Variants in ITGA9 observed in about 807,000 individuals in gnomAD.
ITGA9 encodes integrin alpha-9.
A neutral mutation model predicts 127.8 loss-of-function variants in ITGA9; 56 were observed. The observed-to-expected ratio is 0.44, with a 90% CI of 0.35 to 0.55. ITGA9 has a LOEUF of 0.55. Among genes scored for constraint, ITGA9 ranks in the 20% least tolerant of loss-of-function variants. ITGA9 has a pLI of 0.00. For missense variants in ITGA9, 1,196 were observed against 1,347.1 expected (o/e 0.89, Z 1.76); for synonymous variants, 508 against 514.5 (o/e 0.99, Z 0.17).
intron 3 of ITGA9, among the ~76,000 whole-genome samples, chr3:37,480,097 G>C (rs753515364): frequency 2.0e-5 from 3 of 152,118 alleles, no homozygotes; most frequent in Non-Finnish European, 2.9e-5. Flanking sequence ...AGTGGAACGG[G>C]CTGGGCAGGG....
intron 26 of ITGA9, among the ~76,000 whole-genome samples, chr3:37,791,837 C>T (rs1697114919): frequency 6.6e-6 from 1 of 152,184 alleles, no homozygotes; most frequent in South Asian, 2.1e-4. Context: ...AGCAAGATTA[C>T]TCCAAAAAAA....
intron 12 of ITGA9, among the ~76,000 whole-genome samples, chr3:37,524,422 T>G (rs1234704302): frequency 6.6e-6 from 1 of 152,188 alleles, no homozygotes; most frequent in South Asian, 2.1e-4. Flanking sequence ...GGACACCACA[T>G]TGTGTATTTT....
chr3:37,560,806 AC>A (rs1375925345), intron 15 of ITGA9, among the ~76,000 whole-genome samples: 1 of 152,302 alleles, frequency 6.6e-6, no homozygotes, highest in Non-Finnish European at 1.5e-5. Flanking sequence ...CATAATGAAG[AC>A]CACAGACTTG....
chr3:37,731,880 G>A (rs7613157), intron 18 of ITGA9, among the ~76,000 whole-genome samples: 52,987 of 152,090 alleles, frequency 0.35, 11,493 homozygotes, highest in African/African-American at 0.62. Flanking sequence ...AAATAAAAAT[G>A]TTTTTCATCC....
At chr3:37,478,223 C>G (rs576361694) in intron 3 of ITGA9, among the ~76,000 whole-genome samples, 66 of 152,256 alleles carry the variant, frequency 4.3e-4, no homozygotes, top group African/African-American at 1.6e-3. Flanking sequence ...TTCTTAGCAG[C>G]CAGGCCCAGT....
chr3:37,533,424 C>T lies in ITGA9; in HGVS notation c.1484C>T (p.Thr495Ile). The part of the protein sequence containing the change: ...GQQPVNCLNV[T>I]TCFSFHGKHV... ...CAGCCTGTGAACTGCCTGAACGTCA[C>T]CACCTGCTTCAGCTTCCATGGCAAA... The change falls in exon 14 of 28, where the codon ACC becomes ATC. Residue 495 changes from threonine (T) to isoleucine (I), a missense_variant. Thr to Ile is a moderately conservative substitution (Grantham distance 89). Coordinates refer to ENST00000264741, the MANE Select transcript of ITGA9 (RefSeq NM_002207.3). 6.2e-7 allele frequency: 1 copy of T among 1,614,186 alleles called. No homozygotes were observed.
At chr3:37,519,670 A>G (rs1013189561) in intron 11 of ITGA9, among the ~76,000 whole-genome samples, 11 of 152,208 alleles carry the variant, frequency 7.2e-5, no homozygotes, top group African/African-American at 2.4e-4. Context: ...TACTTTGTCA[A>G]CCGTCTATGC....
intron 18 of ITGA9, among the ~76,000 whole-genome samples, chr3:37,688,213 G>A (rs1700799530): frequency 6.6e-6 from 1 of 152,186 alleles, no homozygotes; most frequent in African/African-American, 2.4e-5. Context: ...CCAGAACTGT[G>A]GCTGGTTCTG....
intron 19 of ITGA9, chr3:37,733,128 C>T (rs1477355447): frequency 5.5e-6 from 2 of 366,446 alleles, no homozygotes; most frequent in Non-Finnish European, 1.1e-5. Flanking sequence ...CATTCTGTGC[C>T]TCTTTGAGTC....
intron 15 of ITGA9, among the ~76,000 whole-genome samples, chr3:37,610,471 A>G (rs547820316): frequency 2.0e-5 from 3 of 152,320 alleles, no homozygotes; most frequent in African/African-American, 7.2e-5. Flanking sequence ...AAATGTAATG[A>G]TGGTTCAGAG....
intron 15 of ITGA9, among the ~76,000 whole-genome samples, chr3:37,556,734 A>T (rs1355519188): frequency 1.3e-5 from 2 of 152,220 alleles, no homozygotes; most frequent in Non-Finnish European, 2.9e-5. Flanking sequence ...ACAGGGGAAA[A>T]CGGACAAAGC....
intron 13 of ITGA9, among the ~76,000 whole-genome samples, chr3:37,530,367 T>TA (rs753330190): frequency 1.2e-4 from 19 of 152,150 alleles, no homozygotes; most frequent in Non-Finnish European, 1.9e-4. Flanking sequence ...CAAGCACACA[T>TA]AGATATATAT....
At chr3:37,724,948 C>A (rs538943819) in intron 18 of ITGA9, among the ~76,000 whole-genome samples, 1 of 151,828 alleles carries the variant, frequency 6.6e-6, no homozygotes, top group Non-Finnish European at 1.5e-5. Context: ...ATGTTAAGAC[C>A]CCAGGAAGGC....
At chr3:37,729,912 C>T (rs937418158) in intron 18 of ITGA9, among the ~76,000 whole-genome samples, 3 of 152,056 alleles carry the variant, frequency 2.0e-5, no homozygotes, top group Admixed American at 1.3e-4. Context: ...CCATGTTGGC[C>T]AGGATGGTCT....
At chr3:37,739,090 T>C (rs1316305049) in intron 20 of ITGA9, among the ~76,000 whole-genome samples, 1 of 152,222 alleles carries the variant, frequency 6.6e-6, no homozygotes, top group African/African-American at 2.4e-5. Context: ...TAAGAACCAC[T>C]ATTTATAATC....
chr3:37,537,621 G>A (rs896042609), intron 14 of ITGA9, among the ~76,000 whole-genome samples: 3 of 152,220 alleles, frequency 2.0e-5, no homozygotes, highest in African/African-American at 7.2e-5. Flanking sequence ...GGAGCAGTGA[G>A]CAGGACAGGC....
intron 15 of ITGA9, among the ~76,000 whole-genome samples, chr3:37,604,769 G>A (rs533508095): frequency 3.7e-4 from 57 of 152,274 alleles, no homozygotes; most frequent in African/African-American, 1.3e-3. Context: ...ACCCTAAAGG[G>A]AGAGTTATTA....
intron 15 of ITGA9, among the ~76,000 whole-genome samples, chr3:37,620,919 A>G (rs1200177811): frequency 6.6e-6 from 1 of 152,130 alleles, no homozygotes; most frequent in South Asian, 2.1e-4. Flanking sequence ...CAGCTTCCCT[A>G]TGCCTCATGA....
chr3:37,731,153 C>G (rs1196490412), intron 18 of ITGA9, among the ~76,000 whole-genome samples: 1 of 152,218 alleles, frequency 6.6e-6, no homozygotes, highest in African/African-American at 2.4e-5. Context: ...ACCCTGCAGT[C>G]TCTGTGTCTA....
Sources: allele counts gnomAD v4.1 joint callset (sites outside exome capture counted in the v4.1 genomes callset), GRCh38; gene constraint gnomAD v4.1.1; transcripts MANE v1.5; gene names NCBI Gene and HGNC (gene_info 2026-07-23, HGNC 2026-07-21).